Variants in ANO3 observed in about 807,000 individuals in gnomAD.
ANO3 encodes the protein anoctamin 3.
A neutral mutation model predicts 144.8 loss-of-function variants in ANO3; 99 were observed. That is an observed-to-expected ratio of 0.68 (90% CI 0.58 to 0.81). The LOEUF is 0.81. ANO3 is among the 30% of genes least tolerant of loss of function. The pLI is 0.00. For synonymous variants in ANO3, 414 were observed against 392.6 expected (o/e 1.05, Z -0.64); for missense variants, 905 against 1,202.2 (o/e 0.75, Z 3.66).
chr11:26,294,418 A>G (rs1854038928), intron 1 of ANO3, among the ~76,000 whole-genome samples: 1 of 152,184 alleles, frequency 6.6e-6, no homozygotes, highest in Non-Finnish European at 1.5e-5. Flanking sequence ...TTTTGAGTTG[A>G]AAAATAAACA....
At position 26,314,500 on chromosome 11, in the gene ANO3, A is replaced by G. The variant is rs181448076; in HGVS notation, c.-3+4781A>G. Among the ~76,000 whole-genome samples the G allele has an allele frequency of 3.1e-4, 47 of 152,332 alleles. No individual in the cohort carries two copies. The East Asian group carries it at 8.1e-3, about 26-fold the overall frequency. On this transcript the variant is annotated intron_variant, in intron 1 of 26. Transcript: ENST00000525139. The stretch of plus-strand genomic sequence containing the variant: ...GGTAATATACAAAATTCCTGTGGCC[A>G]AAAATGGATTGGCGAGGATGCTGTG...
chr11:26,561,274 T>C, intron 14 of ANO3: 1 of 1,424,370 alleles, frequency 7.0e-7, no homozygotes, highest in East Asian at 2.7e-5. Flanking sequence ...CTCTGAAAGA[T>C]TCATGTTCAG....
chr11:26,460,728 C>G (rs1240505699), intron 3 of ANO3, among the ~76,000 whole-genome samples: 1 of 151,818 alleles, frequency 6.6e-6, no homozygotes. Context: ...AAATCTCTGC[C>G]TAGAAAACTA....
chr11:26,352,443 C>A (rs569798726), intron 1 of ANO3, among the ~76,000 whole-genome samples: 1 of 152,196 alleles, frequency 6.6e-6, no homozygotes, highest in African/African-American at 2.4e-5. Flanking sequence ...GTAACTCTTT[C>A]CTAGCTTCCA....
rs1348050376 is a variant in ANO3, at chr11:26,563,393, CTCTGTG to C, written c.1447+3616_1447+3621del. 2.6e-3 allele frequency: 2,182 copies of C among 824,782 alleles called. 34 individuals are homozygous for C. The highest frequency in any genetic ancestry group is 3.3e-3 in the African/African-American group (126 of 38,122). The allele number at this position is 824,782 out of a possible 1,614,324, so 51.1% of individuals were successfully genotyped here. On this transcript the variant is annotated intron_variant, in intron 14 of 26. Transcript: ENST00000256737. ...AAATTAGATAATGGTGTGTTTCTCT[CTCTGTG>C]TGTGTGTGTGTGTGTGTGTGTGTGT...
chr11:26,219,636 GGAAGCCTA>G (rs1367504662), intron 1 of ANO3, among the ~76,000 whole-genome samples: 5 of 152,148 alleles, frequency 3.3e-5, no homozygotes, highest in Middle Eastern at 3.2e-3. Context: ...AAATCCAAGA[GGAAGCCTA>G]GAATGATAAC....
chr11:26,567,598 T>C (rs1291756800), intron 14 of ANO3, among the ~76,000 whole-genome samples: 1 of 152,048 alleles, frequency 6.6e-6, no homozygotes, highest in Non-Finnish European at 1.5e-5. Context: ...CTGATACTTC[T>C]CTTCAAAAGC....
At chr11:26,607,173 C>T (rs61878593) in intron 17 of ANO3, among the ~76,000 whole-genome samples, 20,632 of 151,916 alleles carry the variant, frequency 0.14, 1,723 homozygotes, top group South Asian at 0.18. Flanking sequence ...GATGGACTTC[C>T]CTTTGTAGGT....
chr11:26,435,370 G>A (rs1858257183), intron 1 of ANO3, among the ~76,000 whole-genome samples: 1 of 152,104 alleles, frequency 6.6e-6, no homozygotes, highest in South Asian at 2.1e-4. Context: ...TTTCAACCTT[G>A]GAAAATCTGA....
In ANO3 at chr11:26,324,279, G is replaced by C. The variant is rs182199197; in HGVS notation, c.-3+14560G>C. Among the ~76,000 whole-genome samples the C allele has an allele frequency of 2.2e-4, 33 of 152,108 alleles. No homozygotes were observed. In the East Asian group the frequency reaches 6.0e-3, roughly 28 times the overall value. On this transcript the variant is annotated intron_variant, in intron 1 of 26. Coordinates refer to the ANO3 transcript ENST00000525139. ...AAATAACCACATGTTTGTGGAGCTG[G>C]GCATATGCCCAGAAAAGACCCTATC...
chr11:26,604,482 G>T (rs1851883181), intron 17 of ANO3, among the ~76,000 whole-genome samples: 1 of 152,052 alleles, frequency 6.6e-6, no homozygotes, highest in Non-Finnish European at 1.5e-5. Context: ...GAATAGTATT[G>T]AATCTATAAA....
At chr11:26,493,520 C>T (rs767514026) in intron 4 of ANO3, among the ~76,000 whole-genome samples, 2 of 152,178 alleles carry the variant, frequency 1.3e-5, no homozygotes, top group Non-Finnish European at 2.9e-5. Flanking sequence ...CCATCAGCAG[C>T]AGAGAGCTAG....
intron 12 of ANO3, among the ~76,000 whole-genome samples, chr11:26,552,820 G>C (rs183267308): frequency 6.6e-6 from 1 of 152,068 alleles, no homozygotes; most frequent in Non-Finnish European, 1.5e-5. Flanking sequence ...ATGTACTGCA[G>C]TGGGTGTTAT....
chr11:26,559,106 T>C (rs1850180194), intron 13 of ANO3: 1 of 152,252 alleles, frequency 6.6e-6, no homozygotes, highest in Admixed American at 6.5e-5. Context: ...TATAAAACTA[T>C]GCATCCTTTA....
At chr11:26,631,533 C>A (rs985631385) in intron 18 of ANO3, among the ~76,000 whole-genome samples, 2 of 152,044 alleles carry the variant, frequency 1.3e-5, no homozygotes, top group African/African-American at 4.8e-5. Context: ...TTTCAATTAT[C>A]TGTAAGAATA....
At chr11:26,455,294 G>A (rs1381760764) in intron 3 of ANO3, among the ~76,000 whole-genome samples, 1 of 150,294 alleles carries the variant, frequency 6.7e-6, no homozygotes, top group Non-Finnish European at 1.5e-5. Flanking sequence ...GTCCCTGTTT[G>A]CAGACGACAT....
chr11:26,626,114 G>A (rs1179213878), intron 18 of ANO3, among the ~76,000 whole-genome samples: 2 of 152,068 alleles, frequency 1.3e-5, no homozygotes, highest in Non-Finnish European at 2.9e-5. Flanking sequence ...GACCTGTTTT[G>A]ATTTTTGTTA....
At chr11:26,564,732 C>CATATATATATAT (rs66510170) in intron 14 of ANO3, among the ~76,000 whole-genome samples, 2 of 25,414 alleles carry the variant, frequency 7.9e-5, no homozygotes, top group Non-Finnish European at 1.4e-4. Flanking sequence ...CACACACACA[C>CATATATATATAT]ATATATATAT....
Position 26,520,079 on chromosome 11 carries a change from T to C in ANO3, c.692+3152T>C, listed in dbSNP as rs190670468. Among the ~76,000 whole-genome samples the C allele has an allele frequency of 2.6e-3, 401 of 152,314 alleles. 1 individual carries two copies. The highest frequency in any genetic ancestry group is 9.1e-3 in the African/African-American group (379 of 41,578). On this transcript the variant is annotated intron_variant, in intron 6 of 26. Coordinates refer to ENST00000256737, the MANE Select transcript of ANO3 (RefSeq NM_031418.4). ...GGAACTCTTAGTGATGGAATAATTG[T>C]TGTTCCCTTAACTTAGATTTAAAAA...
Sources: allele counts gnomAD v4.1 joint callset (sites outside exome capture counted in the v4.1 genomes callset), GRCh38; gene constraint gnomAD v4.1.1; transcripts MANE v1.5; gene names NCBI Gene and HGNC (gene_info 2026-07-23, HGNC 2026-07-21).